Variants in RAI1 observed in about 807,000 individuals in gnomAD.
RAI1 encodes the protein retinoic acid induced 1.
Under a neutral mutation model 123.8 loss-of-function variants are expected in RAI1, and 9 were observed. That is an observed-to-expected ratio of 0.07 (90% CI 0.04 to 0.13). The LOEUF is 0.13. Ranked by LOEUF, RAI1 falls within the 10% of genes least tolerant of loss-of-function variation. RAI1 has a pLI of 1.00. For missense variants in RAI1, 2,256 were observed against 2,545.8 expected (o/e 0.89, Z 2.45); for synonymous variants, 1,231 against 1,127.3 (o/e 1.09, Z -1.84).
At chr17:17,780,530 G>T (rs546200481) in intron 2 of RAI1, among the ~76,000 whole-genome samples, 3 of 152,308 alleles carry the variant, frequency 2.0e-5, no homozygotes, top group East Asian at 1.9e-4. Flanking sequence ...GCCTAGGACA[G>T]GGGGACCAGG....
chr17:17,786,303 A>G (rs949977247), intron 2 of RAI1, among the ~76,000 whole-genome samples: 3 of 152,170 alleles, frequency 2.0e-5, no homozygotes, highest in African/African-American at 7.2e-5. Flanking sequence ...CTCTTTCTGG[A>G]TATTTTCACA....
At chr17:17,710,278 C>T (rs1915526470) in intron 1 of RAI1, among the ~76,000 whole-genome samples, 1 of 152,206 alleles carries the variant, frequency 6.6e-6, no homozygotes, top group Non-Finnish European at 1.5e-5. Context: ...GCCTGCATGC[C>T]AAGCACACGC....
intron 2 of RAI1, among the ~76,000 whole-genome samples, chr17:17,791,193 C>G (rs1357297442): frequency 6.6e-6 from 1 of 152,210 alleles, no homozygotes; most frequent in African/African-American, 2.4e-5. Flanking sequence ...AAGCTGACTC[C>G]AGAGAGCAGG....
intron 4 of RAI1, among the ~76,000 whole-genome samples, chr17:17,807,594 G>A (rs969934856): frequency 3.9e-4 from 60 of 152,226 alleles, no homozygotes; most frequent in African/African-American, 1.4e-3. Context: ...GCAGGCACCA[G>A]GTCAGGAGCC....
intron 2 of RAI1, chr17:17,770,706 G>C (rs958993055): frequency 3.3e-5 from 5 of 152,290 alleles, no homozygotes; most frequent in African/African-American, 1.2e-4. Context: ...GACGCAGGCG[G>C]CGCCAGCCCC....
intron 2 of RAI1, among the ~76,000 whole-genome samples, chr17:17,770,271 G>C (rs576304544): frequency 6.6e-6 from 1 of 152,032 alleles, no homozygotes; most frequent in Non-Finnish European, 1.5e-5. Context: ...AAAGGCAGGC[G>C]GGGGCAGGGG....
intron 2 of RAI1, among the ~76,000 whole-genome samples, chr17:17,771,006 A>G (rs1415961847): frequency 2.0e-5 from 3 of 152,218 alleles, no homozygotes; most frequent in African/African-American, 7.2e-5. Context: ...TGGGAGCCCA[A>G]GGAAGGGCAG....
chr17:17,777,392 C>G (rs2031383452), intron 2 of RAI1: 1 of 152,252 alleles, frequency 6.6e-6, no homozygotes, highest in African/African-American at 2.4e-5. Flanking sequence ...CTGAGTCCAG[C>G]CTGCACCCGT....
chr17:17,798,257 G>A lies in RAI1; in HGVS notation c.5309G>A (p.Arg1770His), dbSNP rs773297554. Residue 1770 changes from arginine to histidine, a missense_variant, in exon 3 of 6, where the codon CGC becomes CAC. This residue lies in a region of RAI1 where 243 missense variants were observed against 316.6 expected (regional missense o/e 0.77). Coordinates refer to ENST00000353383, the MANE Select transcript of RAI1 (RefSeq NM_030665.4). ...GACCCGGCCAAGCAGGGCCCACTGC[G>A]CACCAGTGCCCGGGGCCTGTCCCGG... ...PADPAKQGPL[R>H]TSARGLSRRL... is the part of the protein sequence containing the mutation. 4 of 1,605,108 alleles carry A rather than the reference G, an allele frequency of 2.5e-6. No individual in the cohort carries two copies. Among genetic ancestry groups the A allele is most frequent in the Admixed American group, 3.4e-5 (2 of 59,130 alleles).
intron 1 of RAI1, among the ~76,000 whole-genome samples, chr17:17,720,307 A>C (rs1915839892): frequency 6.6e-6 from 1 of 152,130 alleles, no homozygotes. Flanking sequence ...GCCTCACCTC[A>C]CCAGGAAGGA....
At chr17:17,688,939 A>G (rs1031928667) in intron 1 of RAI1, among the ~76,000 whole-genome samples, 2 of 150,800 alleles carry the variant, frequency 1.3e-5, no homozygotes, top group African/African-American at 4.9e-5. Flanking sequence ...TGTATGTAGA[A>G]GAGATCACCA....
At chr17:17,746,619 TTTTTC>T (rs1338269369) in intron 2 of RAI1, among the ~76,000 whole-genome samples, 4 of 150,020 alleles carry the variant, frequency 2.7e-5, no homozygotes, top group East Asian at 3.9e-4. Context: ...GTTTTCTTTT[TTTTTC>T]TTTTCTTTTC....
At chr17:17,747,215 T>C (rs1265131521) in intron 2 of RAI1, among the ~76,000 whole-genome samples, 1 of 151,764 alleles carries the variant, frequency 6.6e-6, no homozygotes, top group Non-Finnish European at 1.5e-5. Context: ...ACCCCTGAGG[T>C]TTCTAGAAGA....
In RAI1 at chr17:17,809,198, G is replaced by A; in HGVS notation, c.5660-192G>A. On this transcript the variant is annotated intron_variant, in intron 4 of 5. Transcript: ENST00000353383. This position sits in a 1 kb window ranked among gnomAD's most constrained non-coding sequence, Gnocchi z 4.9. ...AGGTGAGTCAAGACTGCCAGGCCAG[G>A]GGCCGCACCCGCGCCGTGGAGTGGA... 1 of 690,318 alleles carries A rather than the reference G, an allele frequency of 1.4e-6. No homozygotes were observed. The highest frequency in any genetic ancestry group is 2.6e-6 in the Non-Finnish European group (1 of 380,360). The allele number at this position is 690,318 out of a possible 1,614,324, so 42.8% of individuals were successfully genotyped here. A position where few individuals can be genotyped will look rare whatever the true frequency, so the allele number is the denominator to read the frequency against.
At chr17:17,765,811 GACTT>G (rs1257417061) in intron 2 of RAI1, 1 of 152,260 alleles carries the variant, frequency 6.6e-6, no homozygotes, top group African/African-American at 2.4e-5. Context: ...GGGGTGGTAA[GACTT>G]ACCCTGTTAC....
chr17:17,760,928 G>C (rs1489969284), intron 2 of RAI1, among the ~76,000 whole-genome samples: 1 of 152,246 alleles, frequency 6.6e-6, no homozygotes, highest in Non-Finnish European at 1.5e-5. Flanking sequence ...AGAGGGCTCA[G>C]GAGGGAAGCC....
intron 2 of RAI1, among the ~76,000 whole-genome samples, chr17:17,763,616 C>A (rs1315850123): frequency 6.6e-6 from 1 of 152,162 alleles, no homozygotes; most frequent in Non-Finnish European, 1.5e-5. Flanking sequence ...GTACGGGGGC[C>A]CAGGTCATAA....
At chr17:17,761,675 C>T (rs892878880) in intron 2 of RAI1, among the ~76,000 whole-genome samples, 3 of 152,306 alleles carry the variant, frequency 2.0e-5, no homozygotes, top group Middle Eastern at 3.4e-3. Flanking sequence ...GGTTGGGAGA[C>T]TCCCAGAGGG....
intron 1 of RAI1, among the ~76,000 whole-genome samples, chr17:17,688,027 A>AAAAAAG (rs1182159023): frequency 6.6e-5 from 4 of 60,396 alleles, no homozygotes; most frequent in Non-Finnish European, 1.5e-4. Context: ...CTCTGTCTCA[A>AAAAAAG]AAAAAAAAAA....
Sources: gnomAD v4.1 joint callset for allele counts (sites outside exome capture counted in the v4.1 genomes callset) on GRCh38, gnomAD v4.1.1 for gene constraint, gnomAD v4.1.1 regional missense constraint, Gnocchi (gnomAD v3.1) non-coding constraint, MANE v1.5 for transcripts, NCBI Gene and HGNC (gene_info 2026-07-23, HGNC 2026-07-21) for gene names.